Variants in TNIK observed in about 807,000 individuals in gnomAD.
TNIK encodes the protein TRAF2 and NCK interacting kinase.
TNIK carries 49 observed loss-of-function variants against 191.3 expected under a neutral mutation model. That is an observed-to-expected ratio of 0.26 (90% CI 0.20 to 0.32). The LOEUF is 0.32. Ranked by LOEUF, TNIK falls within the 10% of genes least tolerant of loss-of-function variation. The probability of loss-of-function intolerance (pLI) is 1.00; values close to 1 mark genes in which losing one functional copy is unlikely to be tolerated. For missense variants in TNIK, 1,155 were observed against 1,702.3 expected (o/e 0.68, Z 5.66); for synonymous variants, 594 against 600.9 (o/e 0.99, Z 0.17).
intron 1 of TNIK, among the ~76,000 whole-genome samples, chr3:171,411,066 CTTTTTT>C (rs56324481): frequency 7.1e-6 from 1 of 141,816 alleles, no homozygotes; most frequent in Admixed American, 7.1e-5. Context: ...CATCAATAAT[CTTTTTT>C]TTTTTTTTTT....
chr3:171,244,284 C>G (rs1239088240), intron 2 of TNIK, among the ~76,000 whole-genome samples: 1 of 152,076 alleles, frequency 6.6e-6, no homozygotes, highest in Non-Finnish European at 1.5e-5. Flanking sequence ...CCAGGATGGT[C>G]TCGATCTTCT....
rs578038300 is a variant in TNIK at position 171,275,883 on chromosome 3, C to T, written c.124-47662G>A. On this transcript the variant is annotated intron_variant, in intron 2 of 32. Transcript: ENST00000436636. ...CTGCACTCCAAGCTGGGCGACAGAG[C>T]GCGACTCCGTCTCAAAATAAATAAA... Among the ~76,000 whole-genome samples the T allele has an allele frequency of 1.1e-3, 172 of 150,758 alleles. 1 individual carries two copies. In the Middle Eastern group the frequency reaches 0.041, roughly 36 times the overall value.
intron 1 of TNIK, among the ~76,000 whole-genome samples, chr3:171,391,965 G>T (rs1379013577): frequency 6.6e-6 from 1 of 152,058 alleles, no homozygotes; most frequent in African/African-American, 2.4e-5. Context: ...AAAGGACAAT[G>T]CTTAGAAAAA....
chr3:171,209,778 GAT>G (rs1251965526), intron 4 of TNIK, among the ~76,000 whole-genome samples: 7 of 151,856 alleles, frequency 4.6e-5, no homozygotes, highest in Non-Finnish European at 7.4e-5. Flanking sequence ...CATTTCCAAA[GAT>G]TGAGTACTCA....
chr3:171,172,053 T>G (rs1735358490), intron 9 of TNIK, among the ~76,000 whole-genome samples: 2 of 151,688 alleles, frequency 1.3e-5, no homozygotes, highest in Non-Finnish European at 2.9e-5. Context: ...CTGTGAGTGG[T>G]GGTGGTCTCC....
intron 1 of TNIK, among the ~76,000 whole-genome samples, chr3:171,400,011 T>A (rs1326089193): frequency 6.6e-6 from 1 of 152,184 alleles, no homozygotes; most frequent in Non-Finnish European, 1.5e-5. Flanking sequence ...TGGCCCATTG[T>A]CAGGATCACA....
At chr3:171,272,168 C>T (rs1429620062) in intron 2 of TNIK, among the ~76,000 whole-genome samples, 2 of 152,212 alleles carry the variant, frequency 1.3e-5, no homozygotes, top group Non-Finnish European at 2.9e-5. Flanking sequence ...ACACATGCAT[C>T]ACTTACAGAC....
At chr3:171,419,814 G>T (rs1160418793) in intron 1 of TNIK, among the ~76,000 whole-genome samples, 1 of 148,778 alleles carries the variant, frequency 6.7e-6, no homozygotes, top group Non-Finnish European at 1.5e-5. Context: ...CAGAAGAATA[G>T]CCCATCTGTT....
At chr3:171,383,012 G>T (rs1718247455) in intron 1 of TNIK, among the ~76,000 whole-genome samples, 1 of 152,078 alleles carries the variant, frequency 6.6e-6, no homozygotes, top group African/African-American at 2.4e-5. Flanking sequence ...TTTTGCAAAG[G>T]TTATTTTATT....
chr3:171,358,999 T>G (rs1577623401), intron 2 of TNIK, among the ~76,000 whole-genome samples: 1 of 152,294 alleles, frequency 6.6e-6, no homozygotes, highest in African/African-American at 2.4e-5. Flanking sequence ...GGTTCAGGGT[T>G]TCAGTTGAGG....
chr3:171,387,698 A>C (rs1233576875), intron 1 of TNIK, among the ~76,000 whole-genome samples: 1 of 152,212 alleles, frequency 6.6e-6, no homozygotes, highest in Non-Finnish European at 1.5e-5. Flanking sequence ...GCGTCATTAC[A>C]GTAATCTTTC....
chr3:171,202,597 C>A (rs1044910611), intron 4 of TNIK, among the ~76,000 whole-genome samples: 3 of 152,120 alleles, frequency 2.0e-5, no homozygotes, highest in African/African-American at 7.2e-5. Flanking sequence ...GAAGTTTAAA[C>A]AAAGTTCAAA....
intron 2 of TNIK, among the ~76,000 whole-genome samples, chr3:171,233,303 AT>A (rs34572933): frequency 0.1 from 15,118 of 151,498 alleles, 2,323 homozygotes; most frequent in African/African-American, 0.33. Context: ...CAGCACTGTG[AT>A]TTTTTTTTCA....
At chr3:171,112,221 G>A (rs1418953405) in intron 18 of TNIK, among the ~76,000 whole-genome samples, 1 of 152,022 alleles carries the variant, frequency 6.6e-6, no homozygotes, top group African/African-American at 2.4e-5. Context: ...TAAAGCTAGG[G>A]GGGACAAAAT....
chr3:171,128,261 G>C (rs1053262362), intron 16 of TNIK, among the ~76,000 whole-genome samples: 2 of 152,186 alleles, frequency 1.3e-5, no homozygotes, highest in Non-Finnish European at 2.9e-5. Context: ...TTTACACTTT[G>C]AGAACCACTG....
intron 2 of TNIK, among the ~76,000 whole-genome samples, chr3:171,255,113 T>G (rs185501594): frequency 1.3e-5 from 2 of 150,358 alleles, no homozygotes; most frequent in East Asian, 3.9e-4. Flanking sequence ...CTTATTTTGC[T>G]GGATTGCAAT....
At chr3:171,390,802 C>A (rs2108545922) in intron 1 of TNIK, among the ~76,000 whole-genome samples, 1 of 152,320 alleles carries the variant, frequency 6.6e-6, no homozygotes, top group Non-Finnish European at 1.5e-5. Context: ...TGCTCTTGGA[C>A]TGGAGCTATA....
chr3:171,396,059 T>C (rs778669400), intron 1 of TNIK, among the ~76,000 whole-genome samples: 1 of 152,094 alleles, frequency 6.6e-6, no homozygotes, highest in Non-Finnish European at 1.5e-5. Context: ...TTTCATCGCC[T>C]CAAAAAGAAA....
intron 2 of TNIK, among the ~76,000 whole-genome samples, chr3:171,246,430 C>A (rs970494098): frequency 1.3e-5 from 2 of 152,132 alleles, no homozygotes; most frequent in African/African-American, 4.8e-5. Flanking sequence ...TAGCTAATAT[C>A]TACTATGTCA....
Sources: allele counts gnomAD v4.1 joint callset (sites outside exome capture counted in the v4.1 genomes callset), GRCh38; gene constraint gnomAD v4.1.1; transcripts MANE v1.5; gene names NCBI Gene and HGNC (gene_info 2026-07-23, HGNC 2026-07-21).